Variants in ADAMTSL1 observed in about 807,000 individuals in gnomAD.
ADAMTSL1 encodes the protein ADAMTS like 1.
A neutral mutation model predicts 201.8 loss-of-function variants in ADAMTSL1; 126 were observed. The observed-to-expected ratio is 0.62, with a 90% confidence interval of 0.54 to 0.72. The LOEUF is 0.72. Among genes scored for constraint, ADAMTSL1 ranks in the 30% least tolerant of loss-of-function variants. The pLI is 0.00. For synonymous variants in ADAMTSL1, 1,121 were observed against 903.4 expected, an observed-to-expected ratio of 1.24 and a Z score of -4.32; for missense variants, 2,679 against 2,277.8, an observed-to-expected ratio of 1.18 and a Z score of -3.59.
chr9:18,518,455 T>C (rs1262469155), intron 2 of ADAMTSL1, among the ~76,000 whole-genome samples: 6 of 152,212 alleles, frequency 3.9e-5, no homozygotes, highest in Non-Finnish European at 8.8e-5. Context: ...TCCAGCTCCA[T>C]CCATGTTGCC....
At chr9:18,890,392 C>T (rs1282919913) in intron 25 of ADAMTSL1, among the ~76,000 whole-genome samples, 1 of 152,204 alleles carries the variant, frequency 6.6e-6, no homozygotes, top group Non-Finnish European at 1.5e-5. Context: ...ACCTCATCCT[C>T]TGTCCTCAGC....
intron 4 of ADAMTSL1, among the ~76,000 whole-genome samples, chr9:18,613,361 G>T (rs184524765): frequency 6.6e-6 from 1 of 152,242 alleles, no homozygotes; most frequent in East Asian, 1.9e-4. Flanking sequence ...CCCATTCCTG[G>T]GTATATACCC....
At chr9:18,504,999 T>C (rs758921747) in intron 2 of ADAMTSL1, 43 bp downstream of exon 2, 1 of 1,575,432 alleles carries the variant, frequency 6.3e-7, no homozygotes, top group African/African-American at 1.4e-5. Flanking sequence ...GAACCAGAGG[T>C]AGCCGGTTTG....
At chr9:18,618,687 T>G (rs540937610) in intron 4 of ADAMTSL1, among the ~76,000 whole-genome samples, 42 of 152,022 alleles carry the variant, frequency 2.8e-4, no homozygotes, top group African/African-American at 9.6e-4. Flanking sequence ...TTCTCAAGAT[T>G]GTCTCATTTC....
At chr9:18,507,027 C>T (rs943620031) in intron 2 of ADAMTSL1, among the ~76,000 whole-genome samples, 56 of 152,148 alleles carry the variant, frequency 3.7e-4, no homozygotes, top group African/African-American at 1.2e-3. Context: ...AACTTGTCAT[C>T]ATCATTAAAC....
At chr9:18,381,806 C>T (rs373079107) in intron 2 of ADAMTSL1, among the ~76,000 whole-genome samples, 1 of 151,784 alleles carries the variant, frequency 6.6e-6, no homozygotes, top group African/African-American at 2.4e-5. Flanking sequence ...CTTTGATTCC[C>T]TTCACATGCT....
intron 2 of ADAMTSL1, among the ~76,000 whole-genome samples, chr9:18,221,921 A>G (rs2132362916): frequency 6.6e-6 from 1 of 152,202 alleles, no homozygotes; most frequent in East Asian, 1.9e-4. Flanking sequence ...CAAATTTATA[A>G]TGATTTTCTT....
intron 1 of ADAMTSL1, among the ~76,000 whole-genome samples, chr9:17,981,176 C>G (rs7023526): frequency 3.9e-5 from 6 of 152,042 alleles, no homozygotes; most frequent in African/African-American, 1.4e-4. Flanking sequence ...GAAGGTGGCC[C>G]TCTGAAAACC....
intron 2 of ADAMTSL1, among the ~76,000 whole-genome samples, chr9:18,392,150 T>A (rs1026363660): frequency 9.2e-5 from 14 of 152,150 alleles, no homozygotes; most frequent in Non-Finnish European, 4.4e-5. Context: ...CTAGATTACC[T>A]GGCACAAGTC....
chr9:18,346,911 C>T (rs1006306270), intron 2 of ADAMTSL1, among the ~76,000 whole-genome samples: 2 of 152,184 alleles, frequency 1.3e-5, no homozygotes, highest in African/African-American at 4.8e-5. Context: ...GGCCCCAGCA[C>T]ATTCTCCTCC....
intron 1 of ADAMTSL1, among the ~76,000 whole-genome samples, chr9:18,113,997 T>G (rs1417122148): frequency 6.6e-6 from 1 of 151,980 alleles, no homozygotes; most frequent in African/African-American, 2.4e-5. Flanking sequence ...ACAAATGTCA[T>G]AAATGCGAAG....
rs376494980 is a variant in ADAMTSL1 at position 18,524,220 on chromosome 9, C to G, written c.192-9027C>G. On this transcript the variant is annotated intron_variant, in intron 2 of 28. Transcript: ENST00000380548. Reference sequence around the variant, plus strand: ...TGAAGCAATTGTGAATGGGAGTTCTCTCATGATTTGGCTCTCTGTTTGTCT... The same window carrying G: ...TGAAGCAATTGTGAATGGGAGTTCTGTCATGATTTGGCTCTCTGTTTGTCT... Among the ~76,000 whole-genome samples, 8 of 152,268 alleles carry G rather than the reference C, an allele frequency of 5.3e-5. No individual in the cohort carries two copies. In the East Asian group the frequency reaches 9.7e-4, roughly 18 times the overall value.
intron 3 of ADAMTSL1, among the ~76,000 whole-genome samples, chr9:18,536,678 G>C (rs2132127226): frequency 6.6e-6 from 1 of 152,214 alleles, no homozygotes. Flanking sequence ...TCTATTCTAA[G>C]GAAGCAGCAA....
At chr9:18,118,847 A>G (rs966867452) in intron 1 of ADAMTSL1, among the ~76,000 whole-genome samples, 1 of 152,128 alleles carries the variant, frequency 6.6e-6, no homozygotes, top group African/African-American at 2.4e-5. Flanking sequence ...AAGTTGTCTA[A>G]TATCCCTGTA....
chr9:18,227,216 T>G (rs776505551), intron 2 of ADAMTSL1, among the ~76,000 whole-genome samples: 13 of 152,156 alleles, frequency 8.5e-5, no homozygotes, highest in Non-Finnish European at 1.5e-4. Context: ...CTAAATCGCT[T>G]ATGTTCTGCA....
intron 16 of ADAMTSL1, among the ~76,000 whole-genome samples, chr9:18,760,078 A>C (rs1008955324): frequency 6.6e-6 from 1 of 152,118 alleles, no homozygotes; most frequent in Non-Finnish European, 1.5e-5. Flanking sequence ...AGCTTAATAC[A>C]TACCTGCCTG....
chr9:18,239,338 C>T (rs551721668), intron 2 of ADAMTSL1, among the ~76,000 whole-genome samples: 72 of 152,322 alleles, frequency 4.7e-4, no homozygotes, highest in African/African-American at 1.6e-3. Context: ...TCCTCTCAAA[C>T]CCTGCTGCTG....
chr9:18,465,989 G>A (rs1820989796), intron 2 of ADAMTSL1, among the ~76,000 whole-genome samples: 1 of 152,126 alleles, frequency 6.6e-6, no homozygotes, highest in Non-Finnish European at 1.5e-5. Flanking sequence ...GACCTCAGGT[G>A]ATCTGCTCTC....
In ADAMTSL1 at chr9:18,684,637, G is replaced by A. The variant is rs1830713071; in HGVS notation, c.1490-79G>A. On this transcript the variant is annotated intron_variant, in intron 12 of 28. Transcript: ENST00000380548. ...TTGGTCAACGTAGTAACTTCTTGGT[G>A]AGGAGAATAAGGAATTTTCCTAAAA... The A allele has an allele frequency of 1.2e-5, 18 of 1,474,658 alleles. No individual in the cohort carries two copies. In the South Asian group the frequency reaches 2.2e-4, roughly 18 times the overall value. The allele number at this position is 1,474,658 out of a possible 1,614,324, so 91.3% of individuals were successfully genotyped here. A position where few individuals can be genotyped will look rare whatever the true frequency, so the allele number is the denominator to read the frequency against.
Sources: gnomAD v4.1 joint callset for allele counts (sites outside exome capture counted in the v4.1 genomes callset) on GRCh38, gnomAD v4.1.1 for gene constraint, MANE v1.5 for transcripts, NCBI Gene and HGNC (gene_info 2026-07-23, HGNC 2026-07-21) for gene names.